GLIPR1L2: variants seen among roughly 807,000 people sequenced by gnomAD.
GLIPR1L2 encodes GLIPR1-like protein 2.
In GLIPR1L2, 21 loss-of-function variants were observed where a neutral mutation model predicts 28.4. The ratio of observed to expected loss-of-function variants is 0.74; its 90% CI spans 0.52 to 1.06. The LOEUF is 1.06. Among genes scored for constraint, GLIPR1L2 ranks in the 50% least tolerant of loss-of-function variants. The pLI is 0.00. For synonymous variants in GLIPR1L2, 145 were observed against 139.3 expected, an observed-to-expected ratio of 1.04 and a Z score of -0.29; for missense variants, 476 against 416.9, an observed-to-expected ratio of 1.14 and a Z score of -1.23.
intron 4 of GLIPR1L2, chr12:75,423,545 GATA>G: frequency 1.4e-6 from 1 of 700,292 alleles, no homozygotes; most frequent in Non-Finnish European, 1.8e-6. Flanking sequence ...GATAAATTTG[GATA>G]ATAAGTAAAT....
At position 75,410,578 on chromosome 12, in the gene GLIPR1L2, G is replaced by C; in HGVS notation, c.379G>C (p.Glu127Gln). The C allele has an allele frequency of 6.2e-7, 1 of 1,612,350 alleles. No individual in the cohort carries two copies. The highest frequency in any genetic ancestry group is 8.5e-7 in the Non-Finnish European group (1 of 1,178,940). ...AAATATGTGGGTCGGCCCTGAAAATGAATTTACTGCAAGTATTGCTATCAG... is the reference window on the plus strand; with the variant it reads ...AAATATGTGGGTCGGCCCTGAAAATCAATTTACTGCAAGTATTGCTATCAG... ...GENMWVGPEN[E>Q]FTASIAIRSW... The change falls in exon 2 of 6, where the codon GAA (glutamate) becomes CAA (glutamine). Residue 127 changes from glutamate to glutamine, a missense_variant. By Grantham distance (29) the Glu-to-Gln change is conservative. Transcript: ENST00000550916.
At chr12:75,413,798 TATAAA>T (rs1277692572) in intron 3 of GLIPR1L2, 97 bp downstream of exon 3, 4 of 542,938 alleles carry the variant, frequency 7.4e-6, no homozygotes, top group South Asian at 3.4e-5. Context: ...GTTTTTGAAC[TATAAA>T]ATAAATATAC....
At chr12:75,405,421 C>G (rs1311394840) in intron 1 of GLIPR1L2, among the ~76,000 whole-genome samples, 3 of 152,130 alleles carry the variant, frequency 2.0e-5, no homozygotes, top group African/African-American at 7.2e-5. Flanking sequence ...GAAGAGGGCT[C>G]CCTGCCTCTA....
intron 1 of GLIPR1L2, among the ~76,000 whole-genome samples, chr12:75,407,667 A>G (rs2045818310): frequency 6.6e-6 from 1 of 152,140 alleles, no homozygotes; most frequent in South Asian, 2.1e-4. Flanking sequence ...AAATTGTAGA[A>G]AAGTAATTGT....
intron 4 of GLIPR1L2, among the ~76,000 whole-genome samples, chr12:75,426,218 G>A (rs2046032806): frequency 6.6e-6 from 1 of 152,112 alleles, no homozygotes; most frequent in African/African-American, 2.4e-5. Flanking sequence ...GGACTTCAGT[G>A]GAAAAGAAAG....
intron 1 of GLIPR1L2, among the ~76,000 whole-genome samples, chr12:75,409,795 A>G (rs2045845676): frequency 6.8e-6 from 1 of 147,008 alleles, no homozygotes; most frequent in Non-Finnish European, 1.5e-5. Context: ...TATATATAAG[A>G]TGTATATCTA....
chr12:75,430,670 G>T (rs2046082064), intron 4 of GLIPR1L2, 45 bp from the exon 5 acceptor site: 8 of 1,494,720 alleles, frequency 5.4e-6, no homozygotes, highest in Non-Finnish European at 7.2e-6. Flanking sequence ...TTTAGACAAA[G>T]AAGAAATTTT....
intron 1 of GLIPR1L2, among the ~76,000 whole-genome samples, chr12:75,394,557 T>G (rs952221474): frequency 1.3e-5 from 2 of 151,940 alleles, no homozygotes; most frequent in Non-Finnish European, 2.9e-5. Context: ...ATGCTGGCAT[T>G]TATTTTGGGG....
At chr12:75,398,248 G>GA (rs2045702002) in intron 1 of GLIPR1L2, among the ~76,000 whole-genome samples, 1 of 146,062 alleles carries the variant, frequency 6.8e-6, no homozygotes, top group African/African-American at 2.6e-5. Flanking sequence ...AGAATCGCTT[G>GA]AACCCGGGAA....
At chr12:75,413,226 A>G (rs2045888557) in intron 2 of GLIPR1L2, among the ~76,000 whole-genome samples, 2 of 151,820 alleles carry the variant, frequency 1.3e-5, no homozygotes, top group African/African-American at 4.8e-5. Context: ...GGATAGCATT[A>G]GGAGATATAC....
intron 3 of GLIPR1L2, among the ~76,000 whole-genome samples, chr12:75,415,913 T>A (rs2139951138): frequency 6.6e-6 from 1 of 152,184 alleles, no homozygotes; most frequent in East Asian, 1.9e-4. Flanking sequence ...ATGTCAATAT[T>A]TTAAGGTCAG....
intron 1 of GLIPR1L2, among the ~76,000 whole-genome samples, chr12:75,395,120 T>G (rs996164064): frequency 3.3e-5 from 5 of 152,164 alleles, no homozygotes; most frequent in Non-Finnish European, 5.9e-5. Context: ...TTTTCTGAAT[T>G]TATTTATTGG....
At position 75,410,543 on chromosome 12, in the gene GLIPR1L2, G is replaced by A; in HGVS notation, c.344G>A (p.Gly115Asp). 6.2e-7 allele frequency: 1 copy of A among 1,612,198 alleles called. No individual in the cohort carries two copies. Among genetic ancestry groups the A allele is most frequent in the Non-Finnish European group, 8.5e-7 (1 of 1,178,886 alleles). ...CAAATGGTCCATCCTAAATTTTATG[G>A]TATTGGTGAAAATATGTGGGTCGGC... The part of the protein sequence containing the change: ...DVQMVHPKFY[G>D]IGENMWVGPE... The change falls in exon 2 of 6, where the codon GGT becomes GAT. Residue 115 changes from glycine (G) to aspartate (D), a missense_variant. Physicochemically the swap from Gly to Asp is moderately conservative, Grantham distance 94. Transcript: ENST00000550916.
intron 3 of GLIPR1L2, among the ~76,000 whole-genome samples, chr12:75,414,027 T>C (rs575633935): frequency 6.6e-6 from 1 of 152,150 alleles, no homozygotes; most frequent in East Asian, 1.9e-4. Context: ...AAATTAGATG[T>C]GTTGAAATTT....
rs188567744 is a variant in GLIPR1L2 at position 75,417,634 on chromosome 12, T to C, written c.584+3933T>C. ...TATGAAAAAATAAAGGAAATATGTATGGCATATAAATCTACAAATTGGTGT... is the reference window on the plus strand; with the variant it reads ...TATGAAAAAATAAAGGAAATATGTACGGCATATAAATCTACAAATTGGTGT... On this transcript the variant is annotated intron_variant, in intron 3 of 5. Transcript: ENST00000550916. Among the ~76,000 whole-genome samples, 107 of 152,114 alleles carry C rather than the reference T, an allele frequency of 7.0e-4. 1 individual carries two copies. The highest frequency in any genetic ancestry group is 6.2e-3 in the Admixed American group (94 of 15,252).
chr12:75,417,713 G>T (rs2045936596), intron 3 of GLIPR1L2, among the ~76,000 whole-genome samples: 1 of 151,890 alleles, frequency 6.6e-6, no homozygotes, highest in South Asian at 2.1e-4. Flanking sequence ...AAAAGAAAAT[G>T]TTCCTAATCT....
chr12:75,411,255 A>C (rs575520298), intron 2 of GLIPR1L2, among the ~76,000 whole-genome samples: 1 of 151,960 alleles, frequency 6.6e-6, no homozygotes, highest in Non-Finnish European at 1.5e-5. Context: ...CAGGGACCTT[A>C]CCTTTTCATC....
chr12:75,397,402 G>A (rs2045692426), intron 1 of GLIPR1L2, among the ~76,000 whole-genome samples: 1 of 150,980 alleles, frequency 6.6e-6, no homozygotes, highest in Non-Finnish European at 1.5e-5. Flanking sequence ...GTTTCTTTGG[G>A]TGCCAGTTCT....
At chr12:75,427,310 C>A (rs74108791) in intron 4 of GLIPR1L2, among the ~76,000 whole-genome samples, 1 of 152,152 alleles carries the variant, frequency 6.6e-6, no homozygotes, top group Admixed American at 6.5e-5. Context: ...ACTGCTCATA[C>A]TAAGGTATCA....
Sources: allele counts gnomAD v4.1 joint callset (sites outside exome capture counted in the v4.1 genomes callset), GRCh38; gene constraint gnomAD v4.1.1; transcripts MANE v1.5; gene names NCBI Gene and HGNC (gene_info 2026-07-23, HGNC 2026-07-21).